HECW1: variants seen among roughly 807,000 people sequenced by gnomAD.
HECW1 encodes the protein E3 ubiquitin-protein ligase HECW1.
HECW1 carries 61 observed loss-of-function variants against 182.3 expected under a neutral mutation model. The observed-to-expected ratio is 0.33, with a 90% CI of 0.27 to 0.41. The LOEUF is 0.41. Ranked by LOEUF, HECW1 falls within the 10% of genes least tolerant of loss-of-function variation. HECW1 has a pLI of 1.00. For missense variants in HECW1, 1,739 were observed against 2,108.9 expected (o/e 0.82, Z 3.44); for synonymous variants, 859 against 832.6 (o/e 1.03, Z -0.55).
intron 3 of HECW1, among the ~76,000 whole-genome samples, chr7:43,247,679 G>A (rs1222801869): frequency 1.4e-5 from 2 of 145,768 alleles, no homozygotes; most frequent in South Asian, 4.6e-4. Context: ...GGGAGAGGGA[G>A]GGAGGGAGGG....
At chr7:43,386,428 C>T (rs529788400) in intron 6 of HECW1, among the ~76,000 whole-genome samples, 118 of 152,234 alleles carry the variant, frequency 7.8e-4, no homozygotes, top group African/African-American at 2.6e-3. Flanking sequence ...CAAGCCATCC[C>T]GACTCAGCCC....
chr7:43,254,763 A>G (rs1291066328), intron 3 of HECW1, among the ~76,000 whole-genome samples: 2 of 151,182 alleles, frequency 1.3e-5, no homozygotes, highest in Admixed American at 1.3e-4. Flanking sequence ...ACTGGTCGTA[A>G]TGCCCAGAGA....
intron 2 of HECW1, among the ~76,000 whole-genome samples, chr7:43,228,015 T>A (rs1797578207): frequency 6.6e-6 from 1 of 152,258 alleles, no homozygotes; most frequent in Admixed American, 6.5e-5. Context: ...AAATAATGTT[T>A]ACCTCTATCT....
intron 15 of HECW1, among the ~76,000 whole-genome samples, chr7:43,468,697 T>A (rs2077891134): frequency 6.6e-6 from 1 of 152,140 alleles, no homozygotes; most frequent in Non-Finnish European, 1.5e-5. Flanking sequence ...ATTTTTTAAA[T>A]TTTTTGTAGA....
intron 13 of HECW1, 123 bp downstream of exon 13, chr7:43,456,570 C>T (rs1380925240): frequency 9.3e-6 from 8 of 859,032 alleles, no homozygotes; most frequent in Non-Finnish European, 1.1e-5. Flanking sequence ...AATTAAGTAT[C>T]TTAAGAAACC....
chr7:43,535,769 T>C (rs2152950464), intron 24 of HECW1, among the ~76,000 whole-genome samples: 2 of 152,278 alleles, frequency 1.3e-5, no homozygotes, highest in Middle Eastern at 6.8e-3. Flanking sequence ...CACCAACTGG[T>C]AATCAGGGGA....
At chr7:43,522,269 T>C (rs2080516246) in intron 24 of HECW1, 1 of 152,176 alleles carries the variant, frequency 6.6e-6, no homozygotes, top group Admixed American at 6.5e-5. Flanking sequence ...TTTCAAATGT[T>C]GGCAACTGAA....
chr7:43,262,764 A>C (rs966907232), intron 3 of HECW1, among the ~76,000 whole-genome samples: 1 of 152,134 alleles, frequency 6.6e-6, no homozygotes, highest in Non-Finnish European at 1.5e-5. Context: ...TAGACCGGAG[A>C]TGTTCTATAA....
chr7:43,552,196 A>C, intron 27 of HECW1, 26 bp from the exon 28 acceptor site: 1 of 1,423,766 alleles, frequency 7.0e-7, no homozygotes, highest in Non-Finnish European at 1.0e-6. Flanking sequence ...TTGGACCTGG[A>C]TGCTGAAGCC....
chr7:43,163,492 C>A (rs1038526603), intron 2 of HECW1, among the ~76,000 whole-genome samples: 1 of 152,124 alleles, frequency 6.6e-6, no homozygotes, highest in Non-Finnish European at 1.5e-5. Context: ...GATTCCTCAA[C>A]CCACCTCCCT....
intron 26 of HECW1, among the ~76,000 whole-genome samples, chr7:43,545,799 G>A (rs1404212653): frequency 6.6e-6 from 1 of 151,032 alleles, no homozygotes; most frequent in Non-Finnish European, 1.5e-5. Context: ...AGGAAAGGAA[G>A]GTTTGGTCTT....
intron 13 of HECW1, among the ~76,000 whole-genome samples, chr7:43,459,279 C>T (rs2077502237): frequency 6.6e-6 from 1 of 152,200 alleles, no homozygotes; most frequent in Non-Finnish European, 1.5e-5. Context: ...CTCCCAGCAC[C>T]TAGTGTGGTA....
intron 13 of HECW1, among the ~76,000 whole-genome samples, chr7:43,459,589 G>A (rs536991832): frequency 3.3e-5 from 5 of 151,788 alleles, no homozygotes; most frequent in African/African-American, 4.8e-5. Flanking sequence ...CCAGGCTGGA[G>A]TGCAGTGGCA....
intron 16 of HECW1, among the ~76,000 whole-genome samples, chr7:43,472,184 C>A (rs1360900083): frequency 6.6e-6 from 1 of 152,082 alleles, no homozygotes; most frequent in Non-Finnish European, 1.5e-5. Context: ...ACGGAAACAG[C>A]CTCTAAAGCA....
intron 2 of HECW1, among the ~76,000 whole-genome samples, chr7:43,153,943 A>T (rs1173442683): frequency 6.6e-6 from 1 of 151,904 alleles, no homozygotes; most frequent in East Asian, 1.9e-4. Context: ...CTTTTTGAAG[A>T]TTGTAATTTT....
At position 43,264,842 on chromosome 7, in the gene HECW1, T is replaced by TAAA. The variant is rs36094358; in HGVS notation, c.27+20929_27+20931dup. On this transcript the variant is annotated intron_variant, in intron 3 of 29. Transcript: ENST00000395891. ...CCGGGCGACAGAGTGAGACTCGGTTTAAAAAAAAAAAAAAAAAAAAATTGC... is the reference window on the plus strand; with the variant it reads ...CCGGGCGACAGAGTGAGACTCGGTTTAAAAAAAAAAAAAAAAAAAAAAAATTGC... Among the ~76,000 whole-genome samples, 184 of 129,138 alleles carry TAAA rather than the reference T, an allele frequency of 1.4e-3. 1 individual carries two copies. Among genetic ancestry groups the TAAA allele is most frequent in the South Asian group, 0.013 (49 of 3,878 alleles). The allele number at this position is 129,138 out of a possible 152,430, so 84.7% of individuals were successfully genotyped here.
intron 2 of HECW1, among the ~76,000 whole-genome samples, chr7:43,116,014 A>G (rs1785015979): frequency 6.6e-6 from 1 of 152,130 alleles, no homozygotes; most frequent in African/African-American, 2.4e-5. Flanking sequence ...TATTGAGTGG[A>G]TTTCAGGTCA....
chr7:43,508,941 G>A (rs1180769477), intron 23 of HECW1, 28 bp from the exon 24 acceptor site: 9 of 1,609,314 alleles, frequency 5.6e-6, no homozygotes, highest in Middle Eastern at 4.0e-4. Context: ...CACAGAATGA[G>A]CTTCCTGGAC....
At chr7:43,499,945 A>C (rs1252205447) in intron 19 of HECW1, among the ~76,000 whole-genome samples, 1 of 152,098 alleles carries the variant, frequency 6.6e-6, no homozygotes, top group Non-Finnish European at 1.5e-5. Context: ...GCCTTGACTG[A>C]CCTGGGAGAC....
Sources: gnomAD v4.1 joint callset for allele counts (sites outside exome capture counted in the v4.1 genomes callset) on GRCh38, gnomAD v4.1.1 for gene constraint, MANE v1.5 for transcripts, NCBI Gene and HGNC (gene_info 2026-07-23, HGNC 2026-07-21) for gene names.